Variants in MDGA2 observed in about 807,000 individuals in gnomAD.
MDGA2 encodes the protein MAM domain containing glycosylphosphatidylinositol anchor 2.
Under a neutral mutation model 117.8 loss-of-function variants are expected in MDGA2, and 40 were observed. That is an observed-to-expected ratio of 0.34 (90% CI 0.26 to 0.44). The LOEUF is 0.44. MDGA2 is among the 20% of genes least tolerant of loss of function. The probability of loss-of-function intolerance (pLI) is 1.00; values close to 1 mark genes in which losing one functional copy is unlikely to be tolerated. For missense variants in MDGA2, 1,123 were observed against 1,250.6 expected (o/e 0.90, Z 1.54); for synonymous variants, 452 against 439.0 (o/e 1.03, Z -0.37).
intron 10 of MDGA2, among the ~76,000 whole-genome samples, chr14:46,906,717 G>C (rs971072540): frequency 3.3e-5 from 5 of 151,884 alleles, no homozygotes; most frequent in Non-Finnish European, 7.4e-5. Flanking sequence ...AATTTTCTTT[G>C]TTTGAATCAC....
intron 1 of MDGA2, among the ~76,000 whole-genome samples, chr14:47,530,460 G>T (rs1895072928): frequency 6.6e-6 from 1 of 152,082 alleles, no homozygotes; most frequent in African/African-American, 2.4e-5. Context: ...ACACTATATT[G>T]TAAATTCTTA....
intron 3 of MDGA2, among the ~76,000 whole-genome samples, chr14:47,213,972 A>G (rs1885986427): frequency 6.6e-6 from 1 of 152,080 alleles, no homozygotes; most frequent in African/African-American, 2.4e-5. Context: ...CTTTTTGGCG[A>G]GTAGTAGCCA....
intron 1 of MDGA2, among the ~76,000 whole-genome samples, chr14:47,420,573 T>C (rs1388505830): frequency 2.0e-5 from 3 of 152,122 alleles, no homozygotes; most frequent in Non-Finnish European, 4.4e-5. Context: ...ACACAAATTC[T>C]AAAATTTGGA....
chr14:47,045,958 C>T (rs1005804944), intron 7 of MDGA2, among the ~76,000 whole-genome samples: 6 of 135,540 alleles, frequency 4.4e-5, no homozygotes, highest in Non-Finnish European at 7.7e-5. Context: ...GGGTGAGACT[C>T]GGTCTCAAAA....
At chr14:47,096,370 T>C (rs977053367) in intron 6 of MDGA2, among the ~76,000 whole-genome samples, 55 of 152,036 alleles carry the variant, frequency 3.6e-4, no homozygotes, top group Admixed American at 3.6e-3. Flanking sequence ...TATATATTAT[T>C]TTCACTATCT....
At chr14:47,170,124 A>G (rs1884059396) in intron 3 of MDGA2, among the ~76,000 whole-genome samples, 1 of 152,160 alleles carries the variant, frequency 6.6e-6, no homozygotes, top group Non-Finnish European at 1.5e-5. Context: ...TAGACAAAAT[A>G]AGTTCATGCC....
intron 6 of MDGA2, among the ~76,000 whole-genome samples, chr14:47,087,531 T>C (rs1460137486): frequency 1.3e-5 from 2 of 151,018 alleles, no homozygotes; most frequent in African/African-American, 4.9e-5. Flanking sequence ...TTAAAGTTTA[T>C]GTACTGCAGT....
intron 4 of MDGA2, among the ~76,000 whole-genome samples, chr14:47,139,119 A>T (rs1882594655): frequency 6.6e-6 from 1 of 152,128 alleles, no homozygotes; most frequent in African/African-American, 2.4e-5. Context: ...ATTAAATAAC[A>T]TTATTATTGA....
chr14:47,225,877 C>T (rs1886476301), intron 2 of MDGA2, among the ~76,000 whole-genome samples: 1 of 151,922 alleles, frequency 6.6e-6, no homozygotes, highest in South Asian at 2.1e-4. Context: ...CTAGTATATC[C>T]AGAATATTAG....
intron 1 of MDGA2, among the ~76,000 whole-genome samples, chr14:47,610,996 T>C (rs1229002357): frequency 6.6e-6 from 1 of 152,082 alleles, no homozygotes; most frequent in Non-Finnish European, 1.5e-5. Flanking sequence ...AGCATGGTAC[T>C]GGTATAAAAA....
intron 1 of MDGA2, among the ~76,000 whole-genome samples, chr14:47,587,239 A>G (rs559236710): frequency 1.3e-5 from 2 of 151,870 alleles, no homozygotes; most frequent in Admixed American, 6.6e-5. Context: ...TACAAAAACG[A>G]CCCATTTCAC....
At chr14:47,010,716 G>A (rs752999754) in intron 8 of MDGA2, among the ~76,000 whole-genome samples, 13 of 152,106 alleles carry the variant, frequency 8.5e-5, no homozygotes, top group Middle Eastern at 3.4e-3. Flanking sequence ...ACATGGGTAA[G>A]TGTCCCCACC....
chr14:47,628,286 A>C (rs1339687416), intron 1 of MDGA2, among the ~76,000 whole-genome samples: 1 of 152,110 alleles, frequency 6.6e-6, no homozygotes, highest in African/African-American at 2.4e-5. Flanking sequence ...CAAAATGTGT[A>C]ATTATGGGCC....
At chr14:47,642,215 C>A (rs943702984) in intron 1 of MDGA2, among the ~76,000 whole-genome samples, 3 of 152,038 alleles carry the variant, frequency 2.0e-5, no homozygotes, top group Non-Finnish European at 4.4e-5. Flanking sequence ...TCTTACTACT[C>A]AGCTCCCTCA....
chr14:46,971,677 A>C (rs1002598872), intron 8 of MDGA2, among the ~76,000 whole-genome samples: 5 of 152,080 alleles, frequency 3.3e-5, no homozygotes, highest in Non-Finnish European at 7.4e-5. Context: ...GCAACAATGT[A>C]TTATATAATA....
chr14:47,404,228 C>T (rs1892214664), intron 1 of MDGA2, among the ~76,000 whole-genome samples: 1 of 151,410 alleles, frequency 6.6e-6, no homozygotes, highest in Non-Finnish European at 1.5e-5. Context: ...CTCTTTCACC[C>T]AGGCTGGAGT....
At chr14:47,270,242 T>C (rs1461848153) in intron 2 of MDGA2, among the ~76,000 whole-genome samples, 1 of 152,130 alleles carries the variant, frequency 6.6e-6, no homozygotes, top group African/African-American at 2.4e-5. Flanking sequence ...AAAAAGGTAA[T>C]GTGATTTTTT....
intron 10 of MDGA2, among the ~76,000 whole-genome samples, chr14:46,898,868 CAG>C (rs1298021394): frequency 1.3e-5 from 2 of 151,890 alleles, no homozygotes; most frequent in East Asian, 1.9e-4. Flanking sequence ...AATAATGAAA[CAG>C]TATAAAAATA....
intron 5 of MDGA2, among the ~76,000 whole-genome samples, chr14:47,114,873 T>C (rs940849299): frequency 6.7e-6 from 1 of 149,954 alleles, no homozygotes; most frequent in Non-Finnish European, 1.5e-5. Flanking sequence ...AAAGATTTCA[T>C]GACAAAAACG....
Sources: gnomAD v4.1 joint callset for allele counts (sites outside exome capture counted in the v4.1 genomes callset) on GRCh38, gnomAD v4.1.1 for gene constraint, MANE v1.5 for transcripts, NCBI Gene and HGNC (gene_info 2026-07-23, HGNC 2026-07-21) for gene names.